CUBN: variants seen among roughly 807,000 people sequenced by gnomAD.
CUBN encodes 460 kDa receptor.
Under a neutral mutation model 405.3 loss-of-function variants are expected in CUBN, and 282 were observed. That is an observed-to-expected ratio of 0.70 (90% CI 0.63 to 0.77). The LOEUF (loss-of-function observed/expected upper bound fraction) is 0.77, where lower values mean the gene tolerates loss of function less well. Ranked by LOEUF, CUBN falls within the 30% of genes least tolerant of loss-of-function variation. The pLI, the probability that CUBN is intolerant of heterozygous loss-of-function variation, is 0.00. For missense variants in CUBN, 4,514 were observed against 4,475.2 expected, an observed-to-expected ratio of 1.01 and a Z score of -0.25; for synonymous variants, 1,684 against 1,617.0, an observed-to-expected ratio of 1.04 and a Z score of -0.99.
chr10:17,118,430 C>A (rs1390266613), intron 6 of CUBN, among the ~76,000 whole-genome samples: 4 of 152,038 alleles, frequency 2.6e-5, no homozygotes, highest in Admixed American at 6.6e-5. Flanking sequence ...TTTTTATGCA[C>A]CTTTTTGTTT....
intron 14 of CUBN, among the ~76,000 whole-genome samples, chr10:17,098,857 T>C (rs4237343): frequency 0.34 from 51,176 of 152,066 alleles, 10,450 homozygotes; most frequent in East Asian, 0.54. Flanking sequence ...CTAACAAAGA[T>C]ATGGAATACT....
At chr10:16,853,516 T>C (rs1041999240) in intron 59 of CUBN, among the ~76,000 whole-genome samples, 10 of 152,226 alleles carry the variant, frequency 6.6e-5, no homozygotes, top group African/African-American at 2.4e-4. Context: ...TGCAGGGTGA[T>C]TTTTGTTACA....
At chr10:16,938,055 A>G (rs1468554803) in intron 38 of CUBN, among the ~76,000 whole-genome samples, 4 of 152,228 alleles carry the variant, frequency 2.6e-5, no homozygotes, top group Non-Finnish European at 5.9e-5. Context: ...GATGATTTAC[A>G]GTAAAATTTG....
chr10:17,059,545 G>C (rs1180649189), intron 22 of CUBN, among the ~76,000 whole-genome samples: 1 of 152,148 alleles, frequency 6.6e-6, no homozygotes, highest in South Asian at 2.1e-4. Context: ...TTTGGTTTCT[G>C]AATGAATCCA....
intron 26 of CUBN, among the ~76,000 whole-genome samples, 195 bp from the exon 27 acceptor site, chr10:17,041,415 T>C (rs1835016806): frequency 6.6e-6 from 1 of 152,084 alleles, no homozygotes; most frequent in Admixed American, 6.6e-5. Context: ...AGTATTTTCA[T>C]AGTGAAAGGA....
At chr10:16,973,313 C>A (rs1361116034) in intron 31 of CUBN, among the ~76,000 whole-genome samples, 1 of 152,152 alleles carries the variant, frequency 6.6e-6, no homozygotes, top group Non-Finnish European at 1.5e-5. Context: ...GCTTCCCTGG[C>A]TTCCAGGCCC....
In CUBN at chr10:17,122,282, G is replaced by A. The variant is rs184035312; in HGVS notation, c.593+513C>T. 5 of 225,156 alleles carry A rather than the reference G, an allele frequency of 2.2e-5. No homozygotes were observed. The East Asian group carries it at 5.8e-4, about 26-fold the overall frequency. 13.9% of individuals were successfully genotyped at this position (225,156 alleles called of 1,614,324 possible). A position where few individuals can be genotyped will look rare whatever the true frequency, so the allele number is the denominator to read the frequency against. ...TGATAATGATGACTGTGGTCAGAGA[G>A]AGTTACTTCATTCATTGAACCTCAG... On this transcript the variant is annotated intron_variant, in intron 6 of 66. Transcript: ENST00000377833.
intron 55 of CUBN, 65 bp from the exon 56 acceptor site, chr10:16,888,631 G>A: frequency 6.9e-7 from 1 of 1,445,780 alleles, no homozygotes; most frequent in South Asian, 1.1e-5. Context: ...TGTCCATGAA[G>A]GAAAGAGGCA....
At chr10:16,956,227 G>C (rs1843059607) in intron 31 of CUBN, among the ~76,000 whole-genome samples, 1 of 152,068 alleles carries the variant, frequency 6.6e-6, no homozygotes, top group African/African-American at 2.4e-5. Flanking sequence ...TTAACTTTCT[G>C]AGGAGCTAAA....
intron 22 of CUBN, among the ~76,000 whole-genome samples, chr10:17,062,816 A>G (rs1009083874): frequency 2.6e-5 from 4 of 152,250 alleles, no homozygotes; most frequent in Admixed American, 2.6e-4. Flanking sequence ...CTAGAAATCA[A>G]CAACCAAATA....
At position 16,834,439 on chromosome 10, in the gene CUBN, C is replaced by T. The variant is rs1447519089; in HGVS notation, c.10362+575G>A. Among the ~76,000 whole-genome samples the T allele has an allele frequency of 5.3e-5, 8 of 152,104 alleles. No individual in the cohort carries two copies. The East Asian group carries it at 1.3e-3, about 26-fold the overall frequency. ...GTGGACGATGGGCAAACAGTGAAGT[C>T]ATTTCTGTGCCCAAATTCAAGCTCT... On this transcript the variant is annotated intron_variant, in intron 64 of 66. Transcript: ENST00000377833.
intron 58 of CUBN, among the ~76,000 whole-genome samples, chr10:16,871,171 G>A (rs1299079918): frequency 1.3e-5 from 2 of 151,638 alleles, no homozygotes; most frequent in Non-Finnish European, 2.9e-5. Flanking sequence ...GGGATTACAG[G>A]TGTCCACCAC....
Position 17,041,164 on chromosome 10 carries a change from A to G in CUBN, c.3886T>C (p.Tyr1296His). ...TGATTTTCAGAATAAGGATTCGGATACCCTATACTCTCTAAGATGCCATAG... is the reference window on the plus strand; with the variant it reads ...TGATTTTCAGAATAAGGATTCGGATGCCCTATACTCTCTAAGATGCCATAG... Reference protein sequence around the residue: ...QTYGILESIGYPNPYSENQHC... With the variant: ...QTYGILESIGHPNPYSENQHC... The change falls in exon 27 of 67, where the codon TAT (tyrosine) becomes CAT (histidine). Residue 1296 changes from tyrosine to histidine, a missense_variant. Around this residue, in one of 5 missense-constraint regions of CUBN, gnomAD observed 242 missense variants for 309.0 expected, o/e 0.78. Coordinates refer to ENST00000377833, the MANE Select transcript of CUBN (RefSeq NM_001081.4). 6.2e-7 allele frequency: 1 copy of G among 1,613,784 alleles called. No homozygotes were observed. Among genetic ancestry groups the G allele is most frequent in the South Asian group, 1.1e-5 (1 of 91,072 alleles).
intron 13 of CUBN, among the ~76,000 whole-genome samples, chr10:17,100,518 C>T (rs907692743): frequency 6.6e-6 from 1 of 152,118 alleles, no homozygotes; most frequent in African/African-American, 2.4e-5. Context: ...GTCCACCAGA[C>T]CAAGGTATGT....
rs1439243972 is a variant in CUBN at position 16,852,860 on chromosome 10, G to A, written c.9455-1417C>T. 2.0e-5 allele frequency among the ~76,000 whole-genome samples: 3 copies of A among 152,284 alleles called. No individual in the cohort carries two copies. The East Asian group carries it at 5.8e-4, about 29-fold the overall frequency. On this transcript the variant is annotated intron_variant, in intron 59 of 66. Transcript: ENST00000377833. ...TGCCAACAAATCTTTTATTTACACA[G>A]TGTGATAGAAAGAGGCTGAGAGGCA...
At position 17,018,489 on chromosome 10, in the gene CUBN, G is replaced by T. The variant is rs147507776; in HGVS notation, c.4168+1344C>A. On this transcript the variant is annotated intron_variant, in intron 28 of 66. Transcript: ENST00000377833. ...TCATGGTCTCGCTGACTTCAGGAATGAAGCCGCAGACCTTCGCAGTGAGTG... is the reference window on the plus strand; with the variant it reads ...TCATGGTCTCGCTGACTTCAGGAATTAAGCCGCAGACCTTCGCAGTGAGTG... 5.7e-3 allele frequency among the ~76,000 whole-genome samples: 868 copies of T among 152,304 alleles called. 5 individuals carry two copies. The highest frequency in any genetic ancestry group is 7.4e-3 in the Non-Finnish European group (500 of 68,026).
intron 45 of CUBN, 102 bp from the exon 46 acceptor site, chr10:16,916,132 A>C (rs1426835660): frequency 4.1e-5 from 47 of 1,151,040 alleles, no homozygotes; most frequent in Non-Finnish European, 5.9e-5. Flanking sequence ...GCACATTTGA[A>C]AACTTTTAGG....
At chr10:17,055,235 A>C (rs1273519007) in intron 22 of CUBN, among the ~76,000 whole-genome samples, 1 of 152,114 alleles carries the variant, frequency 6.6e-6, no homozygotes, top group Non-Finnish European at 1.5e-5. Context: ...CAGGATAAAA[A>C]CTCAGCAAGT....
intron 27 of CUBN, among the ~76,000 whole-genome samples, chr10:17,028,704 G>A (rs1480884979): frequency 6.7e-6 from 1 of 150,002 alleles, no homozygotes; most frequent in African/African-American, 2.5e-5. Context: ...CTGGGCAACA[G>A]AGTGAGACTC....
Sources: allele counts gnomAD v4.1 joint callset (sites outside exome capture counted in the v4.1 genomes callset), GRCh38; gene constraint gnomAD v4.1.1; regional missense constraint gnomAD v4.1.1; transcripts MANE v1.5; gene names NCBI Gene and HGNC (gene_info 2026-07-23, HGNC 2026-07-21).